The following PRELID2 variants were observed in gnomAD, a reference collection of about 807,000 sequenced individuals.
The protein encoded by PRELID2 is PRELI domain containing 2.
In PRELID2, 25 loss-of-function variants were observed where a neutral mutation model predicts 28.4. That is an observed-to-expected ratio of 0.88 (90% CI 0.64 to 1.23). The LOEUF is 1.23. Among genes scored for constraint, PRELID2 ranks in the 50% most tolerant of loss-of-function variants. The pLI is 0.00. For missense variants in PRELID2, 201 were observed against 214.4 expected, an observed-to-expected ratio of 0.94 and a Z score of 0.39; for synonymous variants, 76 against 71.6, an observed-to-expected ratio of 1.06 and a Z score of -0.31.
At chr5:145,291,386 A>T in the PRELID2 span, among the ~76,000 whole-genome samples, 1 of 151,014 alleles carries the variant, frequency 6.6e-6, no homozygotes, top group Non-Finnish European at 1.5e-5. Flanking sequence ...GGATACAGAC[A>T]TGGAAGAAGT....
At chr5:145,282,945 C>T in the PRELID2 span, among the ~76,000 whole-genome samples, 1 of 152,256 alleles carries the variant, frequency 6.6e-6, no homozygotes, top group Non-Finnish European at 1.5e-5. Flanking sequence ...TTCATCTTTA[C>T]ATTTAGGGGT....
chr5:145,729,456 T>C, intron 1 of PRELID2: 3 of 318,450 alleles, frequency 9.4e-6, no homozygotes, highest in East Asian at 1.2e-4. Context: ...CCTCACTTTG[T>C]CTTCTTTTTC....
chr5:145,706,898 A>T (rs1387373817), intron 1 of PRELID2, among the ~76,000 whole-genome samples: 1 of 152,206 alleles, frequency 6.6e-6, no homozygotes, highest in Admixed American at 6.5e-5. Context: ...CCTGGACTTC[A>T]CAGTGACTAA....
chr5:145,529,515 C>T (rs151121270), intron 1 of PRELID2, among the ~76,000 whole-genome samples: 1 of 152,194 alleles, frequency 6.6e-6, no homozygotes, highest in East Asian at 1.9e-4. Context: ...TCTTGAGAAT[C>T]GTGATTGTGT....
intron 1 of PRELID2, among the ~76,000 whole-genome samples, chr5:145,627,595 G>A (rs1425101737): frequency 6.6e-6 from 1 of 151,970 alleles, no homozygotes; most frequent in Non-Finnish European, 1.5e-5. Flanking sequence ...CAAAACCATG[G>A]GAAAAGCTCA....
the PRELID2 span, among the ~76,000 whole-genome samples, chr5:145,438,515 A>G: frequency 1.3e-5 from 2 of 152,094 alleles, no homozygotes. Flanking sequence ...GGATTATCTC[A>G]CTATTTTACA....
intron 4 of PRELID2, among the ~76,000 whole-genome samples, chr5:145,808,672 G>A (rs891933297): frequency 1.3e-5 from 2 of 151,950 alleles, no homozygotes; most frequent in African/African-American, 2.4e-5. Flanking sequence ...GTCACTTGAG[G>A]CCAGGAGTTC....
chr5:145,315,749 C>G, the PRELID2 span, among the ~76,000 whole-genome samples: 1 of 150,820 alleles, frequency 6.6e-6, no homozygotes, highest in African/African-American at 2.4e-5. Context: ...TAATGGAATG[C>G]GAGGCTGAAT....
At chr5:145,819,238 C>G in intron 3 of PRELID2, 2 of 663,276 alleles carry the variant, frequency 3.0e-6, no homozygotes, top group South Asian at 3.4e-5. Context: ...CACAGAATCT[C>G]TCTTGGGTTG....
At chr5:145,809,047 T>C (rs1753748508) in intron 4 of PRELID2, among the ~76,000 whole-genome samples, 1 of 147,356 alleles carries the variant, frequency 6.8e-6, no homozygotes, top group Admixed American at 6.7e-5. Flanking sequence ...TTTTTTTTTT[T>C]TTTTTTTTTG....
At chr5:145,806,471 T>C (rs1181622930) in intron 4 of PRELID2, among the ~76,000 whole-genome samples, 4 of 152,224 alleles carry the variant, frequency 2.6e-5, no homozygotes. Flanking sequence ...CCATCTCCTA[T>C]GATAACAATG....
intron 1 of PRELID2, among the ~76,000 whole-genome samples, chr5:145,590,072 C>T (rs868858432): frequency 1.2e-4 from 19 of 152,178 alleles, no homozygotes; most frequent in Admixed American, 1.3e-4. Context: ...CAAATTCCTA[C>T]ATATTCTCTG....
chr5:145,277,113 C>A, the PRELID2 span, among the ~76,000 whole-genome samples: 1 of 152,044 alleles, frequency 6.6e-6, no homozygotes, highest in Non-Finnish European at 1.5e-5. Flanking sequence ...CTAGGACTTG[C>A]TACAGGACAC....
chr5:145,490,350 C>T (rs1475118482), intron 1 of PRELID2, among the ~76,000 whole-genome samples: 1 of 152,174 alleles, frequency 6.6e-6, no homozygotes, highest in Non-Finnish European at 1.5e-5. Flanking sequence ...CACCTGTGTA[C>T]ACACATATTG....
intron 4 of PRELID2, among the ~76,000 whole-genome samples, chr5:145,809,205 C>G (rs1374764296): frequency 6.6e-6 from 1 of 152,086 alleles, no homozygotes; most frequent in Non-Finnish European, 1.5e-5. Context: ...CCACACCCAG[C>G]TAATTTTTGT....
chr5:145,626,882 C>T (rs1201452039), intron 1 of PRELID2, among the ~76,000 whole-genome samples: 2 of 151,802 alleles, frequency 1.3e-5, no homozygotes, highest in African/African-American at 4.8e-5. Context: ...GGTGGATCAC[C>T]TGAGGTCAGG....
intron 1 of PRELID2, among the ~76,000 whole-genome samples, chr5:145,477,529 G>A (rs1752113973): frequency 1.3e-5 from 2 of 152,146 alleles, no homozygotes; most frequent in African/African-American, 4.8e-5. Flanking sequence ...GGCCAAGAAT[G>A]CATGCATAGG....
the PRELID2 span, among the ~76,000 whole-genome samples, chr5:145,384,664 C>T: frequency 1.3e-5 from 2 of 152,100 alleles, no homozygotes; most frequent in Non-Finnish European, 2.9e-5. Flanking sequence ...GTTTTGCAGG[C>T]TGTATAGAAA....
At chr5:145,280,803 GA>G in the PRELID2 span, among the ~76,000 whole-genome samples, 121,380 of 142,860 alleles carry the variant, frequency 0.85, 52,695 homozygotes, top group South Asian at 0.96. Context: ...ATTGATTCAT[GA>G]AAAAAAAAAA....
Sources: gnomAD v4.1 joint callset for allele counts (sites outside exome capture counted in the v4.1 genomes callset) on GRCh38, gnomAD v4.1.1 for gene constraint, MANE v1.5 for transcripts, NCBI Gene and HGNC (gene_info 2026-07-23, HGNC 2026-07-21) for gene names.